Variants in CEBPZOS observed in about 807,000 individuals in gnomAD.
The protein encoded by CEBPZOS is protein CEBPZOS.
In CEBPZOS, 10 loss-of-function variants were observed where a neutral mutation model predicts 4.8. The ratio of observed to expected loss-of-function variants is 2.07; its 90% confidence interval spans 1.28 to 3.52. CEBPZOS has a LOEUF of 3.52. Ranked by LOEUF, CEBPZOS falls within the 30% of genes most tolerant of loss-of-function variation. The pLI is 0.00. For missense variants in CEBPZOS, 98 were observed against 43.6 expected, an observed-to-expected ratio of 2.25 and a Z score of -3.51; for synonymous variants, 25 against 14.2, an observed-to-expected ratio of 1.77 and a Z score of -1.72.
downstream of CEBPZOS, among the ~76,000 whole-genome samples, chr2:37,207,993 A>G (rs1465981062): frequency 6.6e-6 from 1 of 152,180 alleles, no homozygotes; most frequent in African/African-American, 2.4e-5. Flanking sequence ...CAGAAATACA[A>G]AAGATCATTC....
chr2:37,198,039 G>A (rs1466837655), intron 1 of CEBPZOS, among the ~76,000 whole-genome samples: 1 of 149,942 alleles, frequency 6.7e-6, no homozygotes, highest in Non-Finnish European at 1.5e-5. Context: ...GGGAGTCCCA[G>A]CTCCCAGCTA....
chr2:37,197,707 A>G (rs1158139871), intron 1 of CEBPZOS, among the ~76,000 whole-genome samples: 1 of 151,948 alleles, frequency 6.6e-6, no homozygotes, highest in Non-Finnish European at 1.5e-5. Context: ...TCTACTAAAC[A>G]TACAAAAAAT....
rs144338497 is a variant in CEBPZOS, at chr2:37,204,478, A to T, written c.*2618A>T. ...TTTTTAGTAGAGATGGGGTTTCATC[A>T]TGTTGGCCAGGATGGTCTTGATCTC... On this transcript the variant is annotated 3_prime_UTR_variant, in exon 5 of 5. Coordinates refer to ENST00000402297, the MANE Select transcript of CEBPZOS (RefSeq NM_001322374.2). 7.3e-6 allele frequency: 1 copy of T among 137,100 alleles called. No homozygotes were observed. The highest frequency in any genetic ancestry group is 1.6e-5 in the Non-Finnish European group (1 of 60,748). 8.5% of individuals were successfully genotyped at this position (137,100 alleles called of 1,614,324 possible).
chr2:37,201,522 T>C (rs1170105521), intron 3 of CEBPZOS, 120 bp from the exon 4 acceptor site: 2 of 608,588 alleles, frequency 3.3e-6, no homozygotes, highest in Non-Finnish European at 5.9e-6. Context: ...GTAATCCTAC[T>C]GTCCTCTTTT....
At chr2:37,208,366 C>T (rs1286229889), downstream of CEBPZOS, among the ~76,000 whole-genome samples, 3 of 152,106 alleles carry the variant, frequency 2.0e-5, no homozygotes, top group East Asian at 5.8e-4. Context: ...GACCAATATT[C>T]CTCATGCACA....
At chr2:37,211,802 G>A (rs756849542) in intron 4 of CEBPZOS, 6 of 1,420,418 alleles carry the variant, frequency 4.2e-6, no homozygotes, top group Non-Finnish European at 5.7e-6. Context: ...CTAAGGAAGT[G>A]AGGAAGACAC....
chr2:37,211,981 C>T (rs1204088716), intron 4 of CEBPZOS: 2 of 1,612,624 alleles, frequency 1.2e-6, no homozygotes, highest in South Asian at 1.1e-5. Flanking sequence ...TCATCACTAC[C>T]TTCTGAATCT....
chr2:37,204,200 T>G lies in CEBPZOS; in HGVS notation c.*2340T>G, dbSNP rs570014033. On this transcript the variant is annotated 3_prime_UTR_variant, in exon 5 of 5. Transcript: ENST00000402297. ...TAGGCACTTCTGTACTGTACTGGTT[T>G]CTTAAAGTTTCTTTTATCCCGCCCC... 1.2e-4 allele frequency: 19 copies of G among 152,298 alleles called. No individual in the cohort carries two copies. The highest frequency in any genetic ancestry group is 3.6e-4 in the African/African-American group (15 of 41,540). 9.4% of individuals were successfully genotyped at this position (152,298 alleles called of 1,614,324 possible).
chr2:37,206,167 G>A (rs180678866), downstream of CEBPZOS, among the ~76,000 whole-genome samples: 140 of 152,232 alleles, frequency 9.2e-4, no homozygotes, highest in African/African-American at 3.0e-3. Flanking sequence ...GGAAAATGGC[G>A]GATAAGGGGA....
intron 4 of CEBPZOS, chr2:37,210,348 A>G (rs543569033): frequency 7.2e-5 from 11 of 152,356 alleles, no homozygotes; most frequent in Admixed American, 1.3e-4. Flanking sequence ...ACAATCTGCA[A>G]TTGCAAAAAT....
At chr2:37,215,235 T>C (rs73927404), downstream of CEBPZOS, 2,582 of 251,278 alleles carry the variant, frequency 0.01, 57 homozygotes, top group African/African-American at 0.052. Context: ...TGTTCTTCAT[T>C]TGCATCCAGG....
intron 2 of CEBPZOS, 144 bp downstream of exon 2, chr2:37,199,963 C>CA (rs1246765246): frequency 3.3e-6 from 2 of 602,528 alleles, no homozygotes; most frequent in African/African-American, 1.9e-5. Flanking sequence ...GAACAGGAAT[C>CA]AAAGTATTCA....
chr2:37,214,511 G>A (rs1428039227), downstream of CEBPZOS, among the ~76,000 whole-genome samples: 1 of 151,980 alleles, frequency 6.6e-6, no homozygotes, highest in Non-Finnish European at 1.5e-5. Flanking sequence ...AGCCTATAAA[G>A]AAAATTATTA....
intron 4 of CEBPZOS, chr2:37,212,366 T>C: frequency 2.5e-6 from 4 of 1,613,606 alleles, no homozygotes; most frequent in East Asian, 2.2e-5. Flanking sequence ...TTTCCAGAGC[T>C]GAAACAGTTA....
At chr2:37,212,130 A>T (rs1677740843) in intron 4 of CEBPZOS, 2 of 1,168,384 alleles carry the variant, frequency 1.7e-6, no homozygotes, top group African/African-American at 3.1e-5. Flanking sequence ...CTATTAAATG[A>T]CTCAGAAGGA....
At chr2:37,211,324 AAAT>A in intron 4 of CEBPZOS, 3 of 344,054 alleles carry the variant, frequency 8.7e-6, no homozygotes, top group Admixed American at 4.5e-5. Flanking sequence ...TAATAAGACC[AAAT>A]AATATAAAAC....
intron 3 of CEBPZOS, 78 bp downstream of exon 3, chr2:37,201,170 CA>C: frequency 3.0e-6 from 2 of 673,408 alleles, no homozygotes; most frequent in Non-Finnish European, 5.4e-6. Flanking sequence ...AATTTCTTTA[CA>C]AGGAATTTCT....
downstream of CEBPZOS, among the ~76,000 whole-genome samples, chr2:37,206,546 T>G (rs974333582): frequency 3.9e-5 from 6 of 152,206 alleles, no homozygotes; most frequent in East Asian, 9.7e-4. Flanking sequence ...TTTGTAGAGA[T>G]AGGGTTTTGC....
At chr2:37,213,830 G>A (rs752683060), downstream of CEBPZOS, 11 of 1,421,648 alleles carry the variant, frequency 7.7e-6, no homozygotes, top group Non-Finnish European at 1.1e-5. Context: ...CATAGTAGTA[G>A]ATTATTTTAC....
Sources: allele counts gnomAD v4.1 joint callset (sites outside exome capture counted in the v4.1 genomes callset), GRCh38; gene constraint gnomAD v4.1.1; transcripts MANE v1.5; gene names NCBI Gene and HGNC (gene_info 2026-07-23, HGNC 2026-07-21).